DCLK1: variants seen among roughly 807,000 people sequenced by gnomAD.
DCLK1 encodes doublecortin like kinase 1, also known as serine/threonine-protein kinase DCLK1.
A neutral mutation model predicts 86.2 loss-of-function variants in DCLK1; 16 were observed. The observed-to-expected ratio is 0.19, with a 90% CI of 0.13 to 0.28. The LOEUF is 0.28. Ranked by LOEUF, DCLK1 falls within the 10% of genes least tolerant of loss-of-function variation. The pLI is 1.00. For synonymous variants in DCLK1, 369 were observed against 370.5 expected (o/e 1.00, Z 0.05); for missense variants, 590 against 940.2 (o/e 0.63, Z 4.87).
intron 3 of DCLK1, among the ~76,000 whole-genome samples, chr13:36,106,984 T>A (rs1480992508): frequency 6.6e-6 from 1 of 152,202 alleles, no homozygotes. Context: ...TTGTGATATC[T>A]GATTAATAGA....
chr13:36,111,638 G>A (rs1027452237), intron 3 of DCLK1, among the ~76,000 whole-genome samples: 1 of 152,140 alleles, frequency 6.6e-6, no homozygotes, highest in African/African-American at 2.4e-5. Context: ...AGAAATCACT[G>A]AGTAATTATT....
At chr13:36,066,268 T>C (rs1400387027) in intron 3 of DCLK1, among the ~76,000 whole-genome samples, 2 of 152,176 alleles carry the variant, frequency 1.3e-5, no homozygotes, top group Non-Finnish European at 2.9e-5. Context: ...AACCCAGGGC[T>C]TCTCCACCTC....
chr13:35,833,967 A>G (rs1462946597), intron 8 of DCLK1, among the ~76,000 whole-genome samples: 1 of 152,184 alleles, frequency 6.6e-6, no homozygotes, highest in African/African-American at 2.4e-5. Context: ...GAAAGAAACA[A>G]ATTGATTCTG....
chr13:35,908,559 T>C (rs1443283783), intron 4 of DCLK1, among the ~76,000 whole-genome samples: 2 of 152,204 alleles, frequency 1.3e-5, no homozygotes, highest in African/African-American at 4.8e-5. Context: ...CTTTTATTCA[T>C]TTTACTTTAT....
chr13:35,930,615 C>A (rs1018037416), intron 4 of DCLK1, among the ~76,000 whole-genome samples: 2 of 150,540 alleles, frequency 1.3e-5, no homozygotes. Flanking sequence ...AACAAACAAA[C>A]AAAAACAAAC....
At chr13:36,047,065 C>A (rs1171357264) in intron 3 of DCLK1, among the ~76,000 whole-genome samples, 1 of 152,166 alleles carries the variant, frequency 6.6e-6, no homozygotes, top group Non-Finnish European at 1.5e-5. Context: ...AAATGGCCAA[C>A]AGGTATACAA....
intron 10 of DCLK1, 124 bp from the exon 11 acceptor site, chr13:35,822,999 G>A (rs1467548385): frequency 2.6e-6 from 3 of 1,135,312 alleles, no homozygotes; most frequent in Non-Finnish European, 2.5e-6. Flanking sequence ...GTTCCTAAAG[G>A]CTTTTCCTGC....
chr13:35,924,767 T>C (rs1415067658), intron 4 of DCLK1, among the ~76,000 whole-genome samples: 1 of 152,222 alleles, frequency 6.6e-6, no homozygotes, highest in Non-Finnish European at 1.5e-5. Context: ...AAGGAGCATA[T>C]TCACCAGAAA....
intron 3 of DCLK1, among the ~76,000 whole-genome samples, chr13:36,045,330 G>GTATA (rs1316034070): frequency 3.9e-3 from 218 of 56,514 alleles, no homozygotes; most frequent in East Asian, 0.015. Flanking sequence ...GTGTGTGTGT[G>GTATA]TGTATATATA....
chr13:35,795,696 G>A (rs1447719065), intron 15 of DCLK1, among the ~76,000 whole-genome samples: 2 of 152,108 alleles, frequency 1.3e-5, no homozygotes, highest in Non-Finnish European at 2.9e-5. Context: ...CGAGGCAGGT[G>A]GATCACCTGA....
intron 11 of DCLK1, among the ~76,000 whole-genome samples, chr13:35,817,008 C>T (rs987914890): frequency 2.2e-4 from 34 of 152,178 alleles, no homozygotes; most frequent in African/African-American, 7.5e-4. Context: ...CCCACCAACA[C>T]ATATGAGATA....
intron 8 of DCLK1, 62 bp from the exon 9 acceptor site, chr13:35,828,369 T>C: frequency 7.2e-7 from 1 of 1,389,150 alleles, no homozygotes; most frequent in Non-Finnish European, 9.9e-7. Context: ...TGAATTATTT[T>C]GTCAGGGATC....
chr13:35,782,849 T>C (rs909216939), intron 16 of DCLK1, among the ~76,000 whole-genome samples: 17 of 152,242 alleles, frequency 1.1e-4, no homozygotes, highest in Admixed American at 2.0e-4. Flanking sequence ...TGGAAAACTC[T>C]TCTGGAGAGG....
intron 3 of DCLK1, among the ~76,000 whole-genome samples, chr13:36,004,766 C>T (rs1005469267): frequency 6.6e-6 from 1 of 152,030 alleles, no homozygotes; most frequent in African/African-American, 2.4e-5. Flanking sequence ...TTCGTAGAAA[C>T]AGGGTTTTGC....
chr13:35,903,668 C>T (rs1368290612), intron 4 of DCLK1, among the ~76,000 whole-genome samples: 3 of 151,878 alleles, frequency 2.0e-5, no homozygotes, highest in African/African-American at 4.8e-5. Flanking sequence ...CACACACACA[C>T]ACGAATGTTC....
At chr13:35,867,129 G>A (rs1156806099) in intron 5 of DCLK1, among the ~76,000 whole-genome samples, 1 of 152,152 alleles carries the variant, frequency 6.6e-6, no homozygotes, top group Non-Finnish European at 1.5e-5. Context: ...TCTCTAAATT[G>A]GTACCATCCA....
chr13:35,958,005 T>TCAC lies in DCLK1; in HGVS notation c.724-10551_724-10549dup, dbSNP rs1878114857. Among the ~76,000 whole-genome samples, 7 of 9,172 alleles carry TCAC rather than the reference T, an allele frequency of 7.6e-4. No homozygotes were observed. The South Asian group carries it at 0.021, about 28-fold the overall frequency. The allele number at this position is 9,172 out of a possible 152,430, so 6.0% of individuals were successfully genotyped here. ...ATAACCACCACCACCACCACCATTA[T>TCAC]CACCATCACCATCACACACCACAAC... On this transcript the variant is annotated intron_variant, in intron 3 of 16. Transcript: ENST00000360631.
At chr13:35,822,048 ATAT>A (rs1706397876) in intron 11 of DCLK1, among the ~76,000 whole-genome samples, 1 of 152,002 alleles carries the variant, frequency 6.6e-6, no homozygotes, top group African/African-American at 2.4e-5. Flanking sequence ...GTTTTGGATC[ATAT>A]TATTGAGCTG....
At chr13:35,830,738 G>A (rs1017298259) in intron 8 of DCLK1, among the ~76,000 whole-genome samples, 1 of 152,304 alleles carries the variant, frequency 6.6e-6, no homozygotes, top group Non-Finnish European at 1.5e-5. Context: ...GCAATCCCAG[G>A]CAAGGCCAGA....
Sources: gnomAD v4.1 joint callset for allele counts (sites outside exome capture counted in the v4.1 genomes callset) on GRCh38, gnomAD v4.1.1 for gene constraint, MANE v1.5 for transcripts, NCBI Gene and HGNC (gene_info 2026-07-23, HGNC 2026-07-21) for gene names.